CCDC3: variants seen among roughly 807,000 people sequenced by gnomAD.
The protein encoded by CCDC3 is coiled-coil domain containing 3.
In CCDC3, 24 loss-of-function variants were observed where a neutral mutation model predicts 21.4. The observed-to-expected ratio is 1.12, with a 90% CI of 0.81 to 1.58. The LOEUF (loss-of-function observed/expected upper bound fraction) is 1.58, where lower values mean the gene tolerates loss of function less well. CCDC3 is among the 40% of genes most tolerant of loss of function. CCDC3 has a pLI of 0.00. For synonymous variants in CCDC3, 186 were observed against 166.0 expected (o/e 1.12, Z -0.93); for missense variants, 425 against 360.9 (o/e 1.18, Z -1.44).
In CCDC3 at chr10:12,923,897, C is replaced by T. The variant is rs138119507; in HGVS notation, c.550-25218G>A. Among the ~76,000 whole-genome samples the T allele has an allele frequency of 3.1e-3, 476 of 152,300 alleles. 2 individuals carry two copies. The highest frequency in any genetic ancestry group is 0.011 in the African/African-American group (440 of 41,550). ...AAATATCGATAAGGACATCTGAACTCGACACTCCAACCCTGCTCCTCTACC... is the reference window on the plus strand; with the variant it reads ...AAATATCGATAAGGACATCTGAACTTGACACTCCAACCCTGCTCCTCTACC... On this transcript the variant is annotated intron_variant, in intron 2 of 2. Transcript: ENST00000378825.
chr10:12,997,061 C>G (rs906294171), intron 2 of CCDC3, among the ~76,000 whole-genome samples: 1 of 151,858 alleles, frequency 6.6e-6, no homozygotes. Flanking sequence ...ACACGTACCC[C>G]CTGAACCTAA....
intron 2 of CCDC3, among the ~76,000 whole-genome samples, chr10:12,910,775 A>G (rs1294957350): frequency 6.6e-6 from 1 of 151,780 alleles, no homozygotes; most frequent in Non-Finnish European, 1.5e-5. Context: ...TTGTATTTTT[A>G]GTAGAGGCAG....
At chr10:12,950,954 T>C (rs1402181410) in intron 2 of CCDC3, among the ~76,000 whole-genome samples, 3 of 152,102 alleles carry the variant, frequency 2.0e-5, no homozygotes, top group Non-Finnish European at 2.9e-5. Flanking sequence ...TGCAGTAGGG[T>C]GCGTCTGTCT....
chr10:13,094,310 G>T (rs1029337194), intron 3 of CCDC3, among the ~76,000 whole-genome samples: 2 of 151,972 alleles, frequency 1.3e-5, no homozygotes, highest in Admixed American at 1.3e-4. Flanking sequence ...CCAGGCTGGA[G>T]TGCAATGGCA....
chr10:12,953,484 A>G (rs1835039677), intron 2 of CCDC3, among the ~76,000 whole-genome samples: 1 of 152,236 alleles, frequency 6.6e-6, no homozygotes, highest in Non-Finnish European at 1.5e-5. Context: ...GAGAGAATAC[A>G]GGTACGATTA....
intron 2 of CCDC3, among the ~76,000 whole-genome samples, chr10:12,922,217 C>T (rs1010662528): frequency 1.4e-4 from 21 of 152,162 alleles, no homozygotes; most frequent in Non-Finnish European, 2.5e-4. Context: ...ACATGAGTGC[C>T]GTGTTTGTGA....
chr10:12,928,903 GC>G (rs1834591125), intron 2 of CCDC3, among the ~76,000 whole-genome samples: 1 of 152,156 alleles, frequency 6.6e-6, no homozygotes, highest in Admixed American at 6.5e-5. Context: ...GAAAGAGCAA[GC>G]TTTGGAGGCA....
At chr10:12,924,531 T>G in intron 2 of CCDC3, 1 of 152,248 alleles carries the variant, frequency 6.6e-6, no homozygotes, top group East Asian at 1.9e-4. Flanking sequence ...ATAGCCGAAG[T>G]GGAACAGCCA....
intron 3 of CCDC3, among the ~76,000 whole-genome samples, chr10:13,091,922 G>C (rs1832577074): frequency 6.6e-6 from 1 of 151,678 alleles, no homozygotes; most frequent in Non-Finnish European, 1.5e-5. Context: ...CTAAATGCCA[G>C]AGGCTCTGGA....
At chr10:13,013,365 A>G (rs182639193) in intron 5 of CCDC3, among the ~76,000 whole-genome samples, 10 of 152,390 alleles carry the variant, frequency 6.6e-5, no homozygotes, top group Admixed American at 2.0e-4. Context: ...ACTGGGAAAT[A>G]TCTCACACAG....
rs1835935200 is a variant in CCDC3, at chr10:13,007,228, G to T, written c.-1-8716C>A. ...TCTTGTGGAATGTAGTTGGCAGGTGGCTGTGCAGGTCACACATCGAGTATT... is the reference window on the plus strand; with the variant it reads ...TCTTGTGGAATGTAGTTGGCAGGTGTCTGTGCAGGTCACACATCGAGTATT... On this transcript the variant is annotated intron_variant, in intron 5 of 6. Transcript: ENST00000378839. Among the ~76,000 whole-genome samples, 3 of 152,232 alleles carry T rather than the reference G, an allele frequency of 2.0e-5. No homozygotes were observed. The South Asian group carries it at 6.2e-4, about 32-fold the overall frequency.
chr10:13,059,903 A>G (rs1044744347), intron 4 of CCDC3, among the ~76,000 whole-genome samples: 1 of 152,130 alleles, frequency 6.6e-6, no homozygotes, highest in African/African-American at 2.4e-5. Context: ...CCTGGCCAAC[A>G]TGGTGAAACC....
chr10:13,090,437 C>T (rs1371820189), intron 3 of CCDC3, among the ~76,000 whole-genome samples: 1 of 152,116 alleles, frequency 6.6e-6, no homozygotes, highest in Non-Finnish European at 1.5e-5. Flanking sequence ...GGGTTGGTTC[C>T]ACATTTTTGC....
chr10:13,040,122 G>A (rs921043490), intron 5 of CCDC3, among the ~76,000 whole-genome samples: 1 of 152,092 alleles, frequency 6.6e-6, no homozygotes, highest in African/African-American at 2.4e-5. Flanking sequence ...CAGGTTGTCT[G>A]TCCCAGGAAA....
At chr10:13,051,349 T>C (rs1224712732) in intron 4 of CCDC3, among the ~76,000 whole-genome samples, 1 of 152,162 alleles carries the variant, frequency 6.6e-6, no homozygotes, top group Non-Finnish European at 1.5e-5. Context: ...CAATGAGGTA[T>C]GGCAGGAAGA....
chr10:12,898,028 C>G lies in CCDC3; in HGVS notation c.*388G>C, dbSNP rs1040819040. ...CTAATGGTTGTCCTGGACTGGGGAG[C>G]TGGGAACCACCCTGATTTTTTTCTG... On this transcript the variant is annotated 3_prime_UTR_variant, in exon 3 of 3. Coordinates refer to ENST00000378825, the MANE Select transcript of CCDC3 (RefSeq NM_031455.4). 1 of 180,948 alleles carries G rather than the reference C, an allele frequency of 5.5e-6. No homozygotes were observed. The highest frequency in any genetic ancestry group is 1.2e-5 in the Non-Finnish European group (1 of 85,122). 11.2% of individuals were successfully genotyped at this position (180,948 alleles called of 1,614,324 possible). A position where few individuals can be genotyped will look rare whatever the true frequency, so the allele number is the denominator to read the frequency against.
At chr10:13,004,595 T>C (rs1025063717), upstream of CCDC3, among the ~76,000 whole-genome samples, 3 of 118,130 alleles carry the variant, frequency 2.5e-5, no homozygotes, top group African/African-American at 9.9e-5. Context: ...AAAGGTCCGA[T>C]GGAATCAACC....
At chr10:12,911,865 T>G (rs1380941661) in intron 2 of CCDC3, among the ~76,000 whole-genome samples, 1 of 151,972 alleles carries the variant, frequency 6.6e-6, no homozygotes, top group Non-Finnish European at 1.5e-5. Context: ...TTTTAGCTCA[T>G]TTTTTTTAGA....
chr10:13,047,782 T>C (rs1442009271), intron 5 of CCDC3, among the ~76,000 whole-genome samples: 1 of 152,200 alleles, frequency 6.6e-6, no homozygotes, highest in Non-Finnish European at 1.5e-5. Context: ...CGGTTTGTTT[T>C]CTTGTGTGAA....
Sources: gnomAD v4.1 joint callset for allele counts (sites outside exome capture counted in the v4.1 genomes callset) on GRCh38, gnomAD v4.1.1 for gene constraint, MANE v1.5 for transcripts, NCBI Gene and HGNC (gene_info 2026-07-23, HGNC 2026-07-21) for gene names.